CSPG4: variants seen among roughly 807,000 people sequenced by gnomAD.
CSPG4 encodes chondroitin sulfate proteoglycan 4.
A neutral mutation model predicts 139.3 loss-of-function variants in CSPG4; 74 were observed. The ratio of observed to expected loss-of-function variants is 0.53; its 90% CI spans 0.44 to 0.64. The LOEUF (loss-of-function observed/expected upper bound fraction) is 0.64. Among genes scored for constraint, CSPG4 ranks in the 30% least tolerant of loss-of-function variants. The pLI is 0.00. For missense variants in CSPG4, 2,565 were observed against 3,148.3 expected, an observed-to-expected ratio of 0.81 and a Z score of 4.43; for synonymous variants, 1,234 against 1,394.2, an observed-to-expected ratio of 0.89 and a Z score of 2.56.
At chr15:75,712,136 A>G (rs4293341) in intron 1 of CSPG4, among the ~76,000 whole-genome samples, 89,596 of 118,088 alleles carry the variant, frequency 0.76, 34,323 homozygotes, top group African/African-American at 0.86. Context: ...AAGGGGAGGA[A>G]AGAAGGGGCA....
Position 75,682,589 on chromosome 15 carries a change from C to T in CSPG4, c.4783+18G>A. ...CCAGCTCCTGGCACCCAGGAATGCC[C>T]ATGATCAGCACACCCACCTGGGCAG... On this transcript the variant is annotated intron_variant, in intron 7 of 9. Coordinates refer to ENST00000308508, the MANE Select transcript of CSPG4 (RefSeq NM_001897.5). 1 of 1,612,048 alleles carries T rather than the reference C, an allele frequency of 6.2e-7. No individual in the cohort carries two copies. The highest frequency in any genetic ancestry group is 1.7e-5 in the Admixed American group (1 of 60,002).
chr15:75,676,529 G>A lies in CSPG4; in HGVS notation c.5990C>T (p.Thr1997Ile). The change falls in exon 10 of 10, where the codon ACC becomes ATC. Residue 1997 changes from threonine (T) to isoleucine (I), a missense_variant. By Grantham distance (89) the Thr-to-Ile change is moderately conservative. Coordinates refer to ENST00000308508, the MANE Select transcript of CSPG4 (RefSeq NM_001897.5). Reference protein sequence around the residue: ...YGHLLVGGRPTSAFSQFQIDQ... With the variant: ...YGHLLVGGRPISAFSQFQIDQ... ...TATCTGGAATTGGCTGAAGGCCGAG[G>A]TGGGCCGCCCGCCCACCAGGAGATG... 6.2e-7 allele frequency: 1 copy of A among 1,613,784 alleles called. No individual in the cohort carries two copies. The highest frequency in any genetic ancestry group is 8.5e-7 in the Non-Finnish European group (1 of 1,179,996).
In CSPG4 at chr15:75,687,827, G is replaced by A. The variant is rs752137891; in HGVS notation, c.3238C>T (p.Arg1080Cys). The change falls in exon 3 of 10, where the codon CGC becomes TGC. Residue 1080 changes from arginine (R) to cysteine (C), a missense_variant. By Grantham distance (180) the Arg-to-Cys change is radical. Around this residue, in one of 5 missense-constraint regions of CSPG4, gnomAD observed 2,316 missense variants for 2,818.2 expected, o/e 0.82. Coordinates refer to ENST00000308508, the MANE Select transcript of CSPG4 (RefSeq NM_001897.5). This position sits in a 1 kb window ranked among gnomAD's most constrained non-coding sequence, Gnocchi z 5.4. ...AVDEPTRPIY[R>C]FTQEDLRKRR... ...TTCCTGAGGTCCTCCTGGGTGAAGCGGTAGATGGGCCGCGTGGGCTCATCT... is the reference window on the plus strand; with the variant it reads ...TTCCTGAGGTCCTCCTGGGTGAAGCAGTAGATGGGCCGCGTGGGCTCATCT... 11 of 1,612,770 alleles carry A rather than the reference G, an allele frequency of 6.8e-6. No individual in the cohort carries two copies. The highest frequency in any genetic ancestry group is 4.4e-5 in the South Asian group (4 of 91,086).
At chr15:75,713,384 A>T (rs1398803246), upstream of CSPG4, among the ~76,000 whole-genome samples, 4 of 152,182 alleles carry the variant, frequency 2.6e-5, no homozygotes, top group Non-Finnish European at 4.4e-5. Flanking sequence ...GCCTCACCTC[A>T]GTCTCCCTGT....
chr15:75,693,646 G>T (rs1046089420), intron 1 of CSPG4, among the ~76,000 whole-genome samples: 6 of 152,222 alleles, frequency 3.9e-5, no homozygotes, highest in East Asian at 1.9e-4. Context: ...GGTGGTCACA[G>T]CCCCAAGGAA....
In CSPG4 at chr15:75,699,731, C is replaced by T. The variant is rs574960427; in HGVS notation, c.89-6498G>A. Among the ~76,000 whole-genome samples, 21 of 152,138 alleles carry T rather than the reference C, an allele frequency of 1.4e-4. No homozygotes were observed. In the South Asian group the frequency reaches 4.4e-3, roughly 32 times the overall value. ...AGGGCTGGGCCGGGGGAGGAGGAAG[C>T]GGGGCCTCAATGGTGTCTTTGTGGA... On this transcript the variant is annotated intron_variant, in intron 1 of 9. Coordinates refer to ENST00000308508, the MANE Select transcript of CSPG4 (RefSeq NM_001897.5).
intron 1 of CSPG4, among the ~76,000 whole-genome samples, chr15:75,695,332 G>T: frequency 6.6e-6 from 1 of 152,218 alleles, no homozygotes; most frequent in South Asian, 2.1e-4. Flanking sequence ...CAGCAGAGGA[G>T]AGTAGAGCCT....
rs1244432496 is a variant in CSPG4, at chr15:75,676,018, A to G, written c.6501T>C (p.Ala2167=). ...SLDFATEPYN[A]ARPYSVALLS... is the part of the protein sequence containing the mutation. The stretch of plus-strand genomic sequence containing the variant: ...GCAGGGCCACGCTGTAGGGCCGGGC[A>G]GCATTGTAAGGCTCAGTGGCAAAGT... Residue 2167 remains alanine, a synonymous_variant, in exon 10 of 10, where the codon GCT becomes GCC. Transcript: ENST00000308508. 6.4e-7 allele frequency: 1 copy of G among 1,560,764 alleles called. No homozygotes were observed. The highest frequency in any genetic ancestry group is 8.6e-7 in the Non-Finnish European group (1 of 1,158,124).
rs771888447 is a variant in CSPG4 at position 75,690,527 on chromosome 15, G to A, written c.538C>T (p.Leu180Phe). 31 of 1,609,554 alleles carry A rather than the reference G, an allele frequency of 1.9e-5. No homozygotes were observed. Among genetic ancestry groups the A allele is most frequent in the Non-Finnish European group, 2.5e-5 (29 of 1,179,060 alleles). ...LHAATLNGRS[L>F]LRPLTPDVHE... is the part of the protein sequence containing the mutation. ...ACATCGGGGGTCAGAGGCCGGAGGA[G>A]GCTGCGGCCATTGAGGGTGGCTGCA... The change falls in exon 3 of 10, where the codon CTC (leucine) becomes TTC (phenylalanine). Residue 180 changes from leucine to phenylalanine, a missense_variant. Transcript: ENST00000308508.
Position 75,696,563 on chromosome 15 carries a change from C to T in CSPG4, c.89-3330G>A, listed in dbSNP as rs928730092. Reference sequence around the variant, plus strand: ...GCCAGGACAGAGCAATGATTGTGCCCGGGCCTGTCCTGCCCTTCGGTGCCC... The same window carrying T: ...GCCAGGACAGAGCAATGATTGTGCCTGGGCCTGTCCTGCCCTTCGGTGCCC... On this transcript the variant is annotated intron_variant, in intron 1 of 9. Coordinates refer to ENST00000308508, the MANE Select transcript of CSPG4 (RefSeq NM_001897.5). This position sits in a 1 kb window ranked among gnomAD's most constrained non-coding sequence, Gnocchi z 4.2. Among the ~76,000 whole-genome samples the T allele has an allele frequency of 2.6e-4, 40 of 152,020 alleles. No individual in the cohort carries two copies. Among genetic ancestry groups the T allele is most frequent in the Non-Finnish European group, 5.1e-4 (35 of 67,964 alleles).
intron 1 of CSPG4, among the ~76,000 whole-genome samples, 172 bp from the exon 2 acceptor site, chr15:75,693,405 C>T (rs1216702876): frequency 6.6e-6 from 1 of 152,274 alleles, no homozygotes; most frequent in Non-Finnish European, 1.5e-5. Flanking sequence ...TCTTCTTGGT[C>T]CTGGCACCAG....
In CSPG4 at chr15:75,676,029, G is replaced by C. The variant is rs763743133; in HGVS notation, c.6490C>G (p.Pro2164Ala). ...CTGTAGGGCCGGGCAGCATTGTAAG[G>C]CTCAGTGGCAAAGTCCAGGGAGGCC... ...AVASLDFATEPYNAARPYSVA... is the reference protein window; with the variant it reads ...AVASLDFATEAYNAARPYSVA... Residue 2164 changes from proline (P) to alanine (A), a missense_variant, in exon 10 of 10, where the codon CCT becomes GCT. Physicochemically the swap from Pro to Ala is conservative, Grantham distance 27 (BLOSUM62 -1). Coordinates refer to ENST00000308508, the MANE Select transcript of CSPG4 (RefSeq NM_001897.5). 32 of 1,554,704 alleles carry C rather than the reference G, an allele frequency of 2.1e-5. No homozygotes were observed. Among genetic ancestry groups the C allele is most frequent in the South Asian group, 2.3e-5 (2 of 85,566 alleles).
intron 3 of CSPG4, among the ~76,000 whole-genome samples, chr15:75,686,149 C>G (rs189732801): frequency 6.6e-6 from 1 of 152,202 alleles, no homozygotes; most frequent in South Asian, 2.1e-4. Flanking sequence ...TGCAGGGGGT[C>G]GGTCACACAG....
chr15:75,711,819 T>C (rs1894450365), intron 1 of CSPG4, among the ~76,000 whole-genome samples: 1 of 152,210 alleles, frequency 6.6e-6, no homozygotes, highest in Non-Finnish European at 1.5e-5. Context: ...CTGCCTTCGC[T>C]GAAGGAAGAA....
At chr15:75,682,554 C>T (rs1325906298) in intron 7 of CSPG4, 53 bp downstream of exon 7, 1 of 1,601,110 alleles carries the variant, frequency 6.2e-7, no homozygotes, top group Non-Finnish European at 8.5e-7. Context: ...ATGCCACCCT[C>T]AGCTCCGCCC....
chr15:75,697,178 G>C (rs1281611378), intron 1 of CSPG4, among the ~76,000 whole-genome samples: 1 of 152,176 alleles, frequency 6.6e-6, no homozygotes, highest in Non-Finnish European at 1.5e-5. Flanking sequence ...AAGGCTGCCT[G>C]TGTCCCTGTA....
rs748152913 is a variant in CSPG4 at position 75,676,273 on chromosome 15, G to A, written c.6246C>T (p.Arg2082=). 4.0e-5 allele frequency: 63 copies of A among 1,581,312 alleles called. No individual in the cohort carries two copies. The highest frequency in any genetic ancestry group is 5.0e-5 in the Non-Finnish European group (58 of 1,168,480). Residue 2082 remains arginine (R), a synonymous_variant, in exon 10 of 10, where the codon CGC becomes CGT. Transcript: ENST00000308508. ...ELANRTGSVP[R]FRLLEGPRHG... The stretch of plus-strand genomic sequence containing the variant: ...GCCGGGGTCCCTCCAGGAGGCGGAA[G>A]CGCGGCACACTGCCTGTGCGGTTGG...
At chr15:75,712,587 G>C in intron 1 of CSPG4, 81 bp downstream of exon 1, 1 of 1,368,880 alleles carries the variant, frequency 7.3e-7, no homozygotes. Context: ...GCCACTTCTG[G>C]CTCCTCCTGT....
In CSPG4 at chr15:75,698,711, C is replaced by A. The variant is rs1383503866; in HGVS notation, c.89-5478G>T. On this transcript the variant is annotated intron_variant, in intron 1 of 9. Coordinates refer to ENST00000308508, the MANE Select transcript of CSPG4 (RefSeq NM_001897.5). The surrounding 1 kb of genome is among the most constrained non-coding windows in gnomAD (Gnocchi z 4.3). ...CATTGGTCTCCCTGGGCTCCTCAGGCAAGGGAGAAGCTGTCTGGTGTGCCT... is the reference window on the plus strand; with the variant it reads ...CATTGGTCTCCCTGGGCTCCTCAGGAAAGGGAGAAGCTGTCTGGTGTGCCT... Among the ~76,000 whole-genome samples the A allele has an allele frequency of 5.9e-5, 9 of 152,062 alleles. No homozygotes were observed. Among genetic ancestry groups the A allele is most frequent in the Admixed American group, 5.9e-4 (9 of 15,266 alleles).
Sources: allele counts gnomAD v4.1 joint callset (sites outside exome capture counted in the v4.1 genomes callset), GRCh38; gene constraint gnomAD v4.1.1; regional missense constraint gnomAD v4.1.1; non-coding constraint Gnocchi (gnomAD v3.1); transcripts MANE v1.5; gene names NCBI Gene and HGNC (gene_info 2026-07-23, HGNC 2026-07-21).